FER1L6: variants seen among roughly 807,000 people sequenced by gnomAD.
The protein encoded by FER1L6 is fer-1-like protein 6.
A neutral mutation model predicts 219.2 loss-of-function variants in FER1L6; 177 were observed. The observed-to-expected ratio is 0.81, with a 90% CI of 0.71 to 0.91. The LOEUF (loss-of-function observed/expected upper bound fraction) is 0.91. FER1L6 is among the 40% of genes least tolerant of loss of function. The pLI is 0.00. For missense variants in FER1L6, 2,153 were observed against 2,259.9 expected (o/e 0.95, Z 0.96); for synonymous variants, 768 against 824.3 (o/e 0.93, Z 1.17).
chr8:123,973,542 C>G (rs1815918869), intron 7 of FER1L6, 30 bp downstream of exon 7: 3 of 1,539,212 alleles, frequency 1.9e-6, no homozygotes, highest in Non-Finnish European at 2.7e-6. Flanking sequence ...CCATCTGTAT[C>G]TCACTTGTCT....
chr8:124,065,008 C>T (rs1735204176), intron 26 of FER1L6, among the ~76,000 whole-genome samples: 2 of 152,070 alleles, frequency 1.3e-5, no homozygotes, highest in South Asian at 4.1e-4. Flanking sequence ...CAAAGAACCA[C>T]AAAACAAGGA....
At chr8:124,055,647 T>C (rs976236684) in intron 22 of FER1L6, among the ~76,000 whole-genome samples, 1 of 152,294 alleles carries the variant, frequency 6.6e-6, no homozygotes, top group Admixed American at 6.5e-5. Context: ...TGCTTGAATG[T>C]TGTCCTTCTG....
intron 1 of FER1L6, among the ~76,000 whole-genome samples, chr8:123,898,174 T>C (rs1020565353): frequency 6.6e-6 from 1 of 152,196 alleles, no homozygotes; most frequent in African/African-American, 2.4e-5. Flanking sequence ...TAACAGATTT[T>C]TCTTGTAAAA....
At chr8:124,058,132 C>T (rs539015818) in intron 22 of FER1L6, among the ~76,000 whole-genome samples, 1 of 152,234 alleles carries the variant, frequency 6.6e-6, no homozygotes, top group South Asian at 2.1e-4. Flanking sequence ...AAATTATGGG[C>T]TGAGGGAGAC....
chr8:124,049,111 G>C (rs1241043092), intron 21 of FER1L6, among the ~76,000 whole-genome samples: 1 of 151,274 alleles, frequency 6.6e-6, no homozygotes, highest in African/African-American at 2.4e-5. Context: ...GCAGTGGTGC[G>C]ATCTCGGCTT....
At chr8:124,107,183 T>C (rs933841413) in intron 39 of FER1L6, among the ~76,000 whole-genome samples, 1 of 151,890 alleles carries the variant, frequency 6.6e-6, no homozygotes, top group African/African-American at 2.4e-5. Context: ...CTCCTGACCT[T>C]GTGATCCGCC....
At chr8:123,941,393 T>G (rs1476817432) in intron 1 of FER1L6, among the ~76,000 whole-genome samples, 1 of 152,086 alleles carries the variant, frequency 6.6e-6, no homozygotes, top group Non-Finnish European at 1.5e-5. Flanking sequence ...GCATTTGGAT[T>G]CCAGCAGAGA....
intron 1 of FER1L6, among the ~76,000 whole-genome samples, chr8:123,936,514 A>C (rs1814016538): frequency 7.2e-6 from 1 of 138,052 alleles, no homozygotes; most frequent in Non-Finnish European, 1.5e-5. Flanking sequence ...TTCTAAGGCA[A>C]ATTAAGGGTA....
intron 1 of FER1L6, among the ~76,000 whole-genome samples, chr8:123,933,395 TGTGTGTCTGTG>T (rs1813856628): frequency 1.2e-5 from 1 of 86,804 alleles, no homozygotes; most frequent in African/African-American, 7.1e-5. Flanking sequence ...TGTGTGTGTG[TGTGTGTCTGTG>T]TGTGTGTAGC....
chr8:123,900,993 G>A (rs1488377289), intron 1 of FER1L6, among the ~76,000 whole-genome samples: 2 of 152,150 alleles, frequency 1.3e-5, no homozygotes, highest in Non-Finnish European at 2.9e-5. Flanking sequence ...CCTGGTTTTG[G>A]TATTAGGGTG....
At chr8:124,037,892 A>G (rs924343515) in intron 19 of FER1L6, among the ~76,000 whole-genome samples, 1 of 151,982 alleles carries the variant, frequency 6.6e-6, no homozygotes, top group African/African-American at 2.4e-5. Flanking sequence ...ACCAGTGCCT[A>G]AACTCTGGTC....
chr8:124,087,917 C>T (rs866040791), intron 33 of FER1L6, among the ~76,000 whole-genome samples: 1 of 152,170 alleles, frequency 6.6e-6, no homozygotes. Flanking sequence ...TTTCTCCTTT[C>T]TTTTCCCCAA....
At chr8:123,996,453 CT>C (rs1322785411) in intron 12 of FER1L6, among the ~76,000 whole-genome samples, 3 of 151,982 alleles carry the variant, frequency 2.0e-5, no homozygotes, top group African/African-American at 7.2e-5. Flanking sequence ...ATATCTACTC[CT>C]GTTTTTTGTT....
chr8:124,000,511 T>C, intron 12 of FER1L6, among the ~76,000 whole-genome samples: 1 of 152,202 alleles, frequency 6.6e-6, no homozygotes, highest in Non-Finnish European at 1.5e-5. Context: ...GACTGTAGGT[T>C]TAGATTCAGA....
intron 2 of FER1L6, among the ~76,000 whole-genome samples, chr8:123,962,102 G>GA (rs1815315063): frequency 6.6e-6 from 1 of 152,054 alleles, no homozygotes; most frequent in African/African-American, 2.4e-5. Context: ...CGTTAGCCAG[G>GA]ATGGTCTCGA....
intron 1 of FER1L6, among the ~76,000 whole-genome samples, chr8:123,945,742 A>G (rs1586497887): frequency 6.6e-6 from 1 of 152,256 alleles, no homozygotes; most frequent in African/African-American, 2.4e-5. Flanking sequence ...TGAGTGAAGT[A>G]AATTTTTCCT....
intron 1 of FER1L6, among the ~76,000 whole-genome samples, chr8:123,912,495 C>A (rs1563682126): frequency 6.6e-6 from 1 of 152,130 alleles, no homozygotes; most frequent in Non-Finnish European, 1.5e-5. Context: ...GACATATACA[C>A]ATTCACAGAT....
chr8:123,898,778 TAC>T (rs1812802259), intron 1 of FER1L6, among the ~76,000 whole-genome samples: 4 of 141,106 alleles, frequency 2.8e-5, no homozygotes, highest in Non-Finnish European at 4.6e-5. Context: ...TGTGTATATA[TAC>T]GTATGTACAT....
chr8:123,977,933 CTT>C (rs1236051283), intron 10 of FER1L6, among the ~76,000 whole-genome samples: 1 of 152,236 alleles, frequency 6.6e-6, no homozygotes, highest in Non-Finnish European at 1.5e-5. Context: ...GTAATACTCA[CTT>C]GCCTGCTGCT....
Sources: allele counts gnomAD v4.1 joint callset (sites outside exome capture counted in the v4.1 genomes callset), GRCh38; gene constraint gnomAD v4.1.1; transcripts MANE v1.5; gene names NCBI Gene and HGNC (gene_info 2026-07-23, HGNC 2026-07-21).